ZNF517: variants seen among roughly 807,000 people sequenced by gnomAD.
ZNF517 encodes zinc finger protein 517.
ZNF517 carries 12 observed loss-of-function variants against 12.1 expected under a neutral mutation model. That is an observed-to-expected ratio of 0.99 (90% CI 0.63 to 1.61). The LOEUF (loss-of-function observed/expected upper bound fraction) is 1.61. ZNF517 is among the 40% of genes most tolerant of loss of function. ZNF517 has a pLI of 0.00. For synonymous variants in ZNF517, 388 were observed against 310.2 expected (o/e 1.25, Z -2.63); for missense variants, 781 against 693.2 (o/e 1.13, Z -1.42).
In ZNF517 at chr8:144,809,926, G is replaced by A. The variant is rs920535713; in HGVS notation, c.*1531G>A. 12 of 404,148 alleles carry A rather than the reference G, an allele frequency of 3.0e-5. No homozygotes were observed. Among genetic ancestry groups the A allele is most frequent in the African/African-American group, 2.4e-4 (12 of 49,592 alleles). The allele number at this position is 404,148 out of a possible 1,614,324, so 25.0% of individuals were successfully genotyped here. ...AAAGTAGCTGGGTGTGGTGCTGGGTGCCTGTAATCCCAGCTACTCGGGAGG... is the reference window on the plus strand; with the variant it reads ...AAAGTAGCTGGGTGTGGTGCTGGGTACCTGTAATCCCAGCTACTCGGGAGG... On this transcript the variant is annotated 3_prime_UTR_variant, in exon 5 of 5. Coordinates refer to ENST00000359971, the MANE Select transcript of ZNF517 (RefSeq NM_213605.3).
At chr8:144,803,849 A>G (rs779118051) in intron 3 of ZNF517, 82 bp downstream of exon 3, 17 of 1,540,112 alleles carry the variant, frequency 1.1e-5, no homozygotes, top group Non-Finnish European at 1.5e-5. Flanking sequence ...TTGCAGATTC[A>G]AGGTCTGACA....
In ZNF517 at chr8:144,804,142, C is replaced by G. The variant is rs1043778385; in HGVS notation, c.178C>G (p.Pro60Ala). The G allele has an allele frequency of 5.0e-6, 8 of 1,614,024 alleles. No homozygotes were observed. The African/African-American group carries it at 9.3e-5, about 19-fold the overall frequency. The change falls in exon 4 of 5, where the codon CCA (proline) becomes GCA (alanine). Residue 60 changes from proline to alanine, a missense_variant. By Grantham distance (27) the Pro-to-Ala change is conservative (BLOSUM62 -1). Coordinates refer to ENST00000359971, the MANE Select transcript of ZNF517 (RefSeq NM_213605.3). The part of the protein sequence containing the change: ...LASLGFLVAK[P>A]ALISLLEQGE... ...GAGCTTAGGCTTTCTTGTTGCCAAA[C>G]CAGCACTGATCTCCCTATTGGAGCA...
rs756654059 is a variant in ZNF517 at position 144,807,563 on chromosome 8, A to G, written c.647A>G (p.Gln216Arg). 1 of 1,600,398 alleles carries G rather than the reference A, an allele frequency of 6.2e-7. No homozygotes were observed. The highest frequency in any genetic ancestry group is 2.3e-5 in the East Asian group (1 of 43,890). ...QCTECGKAFK[Q>R]SSILLRHQLI... The stretch of plus-strand genomic sequence containing the variant: ...ACAGAGTGCGGGAAGGCCTTCAAGC[A>G]AAGCTCCATCCTGCTGCGGCACCAG... The change falls in exon 5 of 5, where the codon CAA becomes CGA. Residue 216 changes from glutamine to arginine, a missense_variant. Physicochemically the swap from Gln to Arg is conservative, Grantham distance 43. Coordinates refer to ENST00000359971, the MANE Select transcript of ZNF517 (RefSeq NM_213605.3).
intron 4 of ZNF517, among the ~76,000 whole-genome samples, chr8:144,804,529 T>A (rs189290402): frequency 1.3e-5 from 2 of 151,736 alleles, no homozygotes; most frequent in East Asian, 3.9e-4. Context: ...CCCTACAGGG[T>A]CTGTGGGTTT....
chr8:144,807,326 C>T lies in ZNF517; in HGVS notation c.410C>T (p.Pro137Leu), dbSNP rs759145641. 7 of 1,552,084 alleles carry T rather than the reference C, an allele frequency of 4.5e-6. No individual in the cohort carries two copies. The highest frequency in any genetic ancestry group is 4.4e-6 in the Non-Finnish European group (5 of 1,147,254). ...GGGGGGCACCCTGCACCACCCCACCCGCATGGCGGTCCTGAGGACGGGTCA... is the reference window on the plus strand; with the variant it reads ...GGGGGGCACCCTGCACCACCCCACCTGCATGGCGGTCCTGAGGACGGGTCA... ...PVGGHPAPPH[P>L]HGGPEDGSDK... The change falls in exon 5 of 5, where the codon CCG (proline) becomes CTG (leucine). Residue 137 changes from proline to leucine, a missense_variant. By Grantham distance (98) the Pro-to-Leu change is moderately conservative. Coordinates refer to ENST00000359971, the MANE Select transcript of ZNF517 (RefSeq NM_213605.3).
Position 144,803,511 on chromosome 8 carries a change from C to T in ZNF517, c.34-130C>T, listed in dbSNP as rs1022158638. 5 of 1,314,908 alleles carry T rather than the reference C, an allele frequency of 3.8e-6. No homozygotes were observed. The African/African-American group carries it at 4.4e-5, about 12-fold the overall frequency. 81.5% of individuals were successfully genotyped at this position (1,314,908 alleles called of 1,614,324 possible). A position where few individuals can be genotyped will look rare whatever the true frequency, so the allele number is the denominator to read the frequency against. On this transcript the variant is annotated intron_variant, in intron 2 of 4. Coordinates refer to ENST00000359971, the MANE Select transcript of ZNF517 (RefSeq NM_213605.3). ...CGGGGGGTGTTGGGCTGCCCTTTCT[C>T]TGCTGGGCCCTGTGGATGCAGCAGT...
chr8:144,800,625 G>A, intron 1 of ZNF517: 1 of 985,372 alleles, frequency 1.0e-6, no homozygotes, highest in Non-Finnish European at 1.2e-6. Flanking sequence ...GCCACAGACT[G>A]CCCTGGACAG....
At position 144,809,749 on chromosome 8, in the gene ZNF517, G is replaced by A. The variant is rs1374219995; in HGVS notation, c.*1354G>A. Reference sequence around the variant, plus strand: ...CCTCCATAAGTGTGTGGGCCAGTTCGCCTAATAAATCCCCTCTCCTGGCCG... The same window carrying A: ...CCTCCATAAGTGTGTGGGCCAGTTCACCTAATAAATCCCCTCTCCTGGCCG... On this transcript the variant is annotated 3_prime_UTR_variant, in exon 5 of 5. Coordinates refer to ENST00000359971, the MANE Select transcript of ZNF517 (RefSeq NM_213605.3). The A allele has an allele frequency of 5.7e-5, 9 of 158,168 alleles. No homozygotes were observed. Among genetic ancestry groups the A allele is most frequent in the African/African-American group, 1.7e-4 (7 of 41,706 alleles). 9.8% of individuals were successfully genotyped at this position (158,168 alleles called of 1,614,324 possible).
chr8:144,799,511 G>A (rs968772421), intron 1 of ZNF517, among the ~76,000 whole-genome samples: 3 of 152,248 alleles, frequency 2.0e-5, no homozygotes, highest in Admixed American at 6.5e-5. Context: ...GAGGTGAGGC[G>A]TTAGTGTAAC....
At position 144,808,274 on chromosome 8, in the gene ZNF517, G is replaced by A. The variant is rs771811505; in HGVS notation, c.1358G>A (p.Arg453Gln). The A allele has an allele frequency of 2.5e-6, 4 of 1,571,442 alleles. No individual in the cohort carries two copies. The highest frequency in any genetic ancestry group is 1.4e-5 in the African/African-American group (1 of 73,758). ...CTCCACAGCGGCGAGAGGCCATACC[G>A]GTGCCGCGCCTGCGGGAGGGCCTGC... is the stretch of plus-strand genomic sequence containing the variant. ...YRLHSGERPY[R>Q]CRACGRACSR... The change falls in exon 5 of 5, where the codon CGG (arginine) becomes CAG (glutamine). Residue 453 changes from arginine (R) to glutamine (Q), a missense_variant. Physicochemically the swap from Arg to Gln is conservative, Grantham distance 43. Transcript: ENST00000359971.
chr8:144,813,434 A>G (rs1217796403), downstream of ZNF517, among the ~76,000 whole-genome samples: 2 of 152,194 alleles, frequency 1.3e-5, no homozygotes, highest in Non-Finnish European at 2.9e-5. Context: ...TCTCATGTTC[A>G]TGGATTGGAA....
intron 1 of ZNF517, among the ~76,000 whole-genome samples, chr8:144,801,921 T>C (rs1826982238): frequency 6.6e-6 from 1 of 152,058 alleles, no homozygotes; most frequent in South Asian, 2.1e-4. Flanking sequence ...TAGTTCCAGC[T>C]ACTCGGGAGG....
chr8:144,801,972 G>A (rs533275624), intron 1 of ZNF517, among the ~76,000 whole-genome samples: 2 of 152,158 alleles, frequency 1.3e-5, no homozygotes, highest in South Asian at 4.1e-4. Context: ...AGTTGAGGCT[G>A]CAGTGAGCTG....
In ZNF517 at chr8:144,807,966, G is replaced by T. The variant is rs760321441; in HGVS notation, c.1050G>T (p.Gly350=). The T allele has an allele frequency of 6.6e-7, 1 of 1,507,952 alleles. No homozygotes were observed. The highest frequency in any genetic ancestry group is 8.9e-7 in the Non-Finnish European group (1 of 1,129,904). The allele number at this position is 1,507,952 out of a possible 1,614,324, so 93.4% of individuals were successfully genotyped here. ...AQEGAQDGGV[G]QGALLGAAQR... ...AGGGTGCCCAGGACGGCGGCGTGGG[G>T]CAGGGCGCCCTGCTCGGAGCTGCGC... The change falls in exon 5 of 5, where the codon GGG becomes GGT. Residue 350 remains glycine, a synonymous_variant. Transcript: ENST00000359971.
In ZNF517 at chr8:144,803,110, A is replaced by G. The variant is rs528624376; in HGVS notation, c.33+163A>G. ...TCCTCGCTCTATGGCCAGGCCTCAC[A>G]CATGGCTCTGCCAAATCCTTCCAGC... On this transcript the variant is annotated intron_variant, in intron 2 of 4. Transcript: ENST00000359971. 7.1e-5 allele frequency: 64 copies of G among 896,552 alleles called. No homozygotes were observed. In the South Asian group the frequency reaches 1.1e-3, roughly 15 times the overall value. 55.5% of individuals were successfully genotyped at this position (896,552 alleles called of 1,614,324 possible).
At position 144,807,850 on chromosome 8, in the gene ZNF517, A is replaced by C; in HGVS notation, c.934A>C (p.Ser312Arg). Residue 312 changes from serine (S) to arginine (R), a missense_variant, in exon 5 of 5, where the codon AGC becomes CGC. By Grantham distance (110) the Ser-to-Arg change is moderately radical (BLOSUM62 -1). Coordinates refer to ENST00000359971, the MANE Select transcript of ZNF517 (RefSeq NM_213605.3). ...FTLNEHGRIH[S>R]GERPYRCLRC... ...CCTCAACGAGCACGGCCGCATCCAC[A>C]GCGGGGAGCGGCCCTACCGGTGCCT... 2 of 1,592,224 alleles carry C rather than the reference A, an allele frequency of 1.3e-6. No homozygotes were observed. Among genetic ancestry groups the C allele is most frequent in the East Asian group, 4.5e-5 (2 of 44,632 alleles).
At position 144,808,181 on chromosome 8, in the gene ZNF517, A is replaced by G; in HGVS notation, c.1265A>G (p.Lys422Arg). 2 of 1,610,022 alleles carry G rather than the reference A, an allele frequency of 1.2e-6. No homozygotes were observed. The highest frequency in any genetic ancestry group is 1.3e-5 in the African/African-American group (1 of 74,870). ...CACCAGAAGATCCACACCAAGGAGA[A>G]GCCCTTCGCGTGCACCGAGTGCGGC... ...TLHQKIHTKEKPFACTECGKA... is the reference protein window; with the variant it reads ...TLHQKIHTKERPFACTECGKA... Residue 422 changes from lysine (K) to arginine (R), a missense_variant, in exon 5 of 5, where the codon AAG becomes AGG. By Grantham distance (26) the Lys-to-Arg change is conservative. Coordinates refer to ENST00000359971, the MANE Select transcript of ZNF517 (RefSeq NM_213605.3).
At chr8:144,812,597 G>C (rs1827590668), downstream of ZNF517, among the ~76,000 whole-genome samples, 1 of 152,252 alleles carries the variant, frequency 6.6e-6, no homozygotes, top group African/African-American at 2.4e-5. Context: ...GGTCACTTCA[G>C]TCTGCTGGGG....
At chr8:144,811,368 G>A (rs1285166768), downstream of ZNF517, among the ~76,000 whole-genome samples, 3 of 152,228 alleles carry the variant, frequency 2.0e-5, no homozygotes, top group Non-Finnish European at 2.9e-5. Context: ...ACTGTGCAGC[G>A]CCTGAGACAG....
Sources: allele counts gnomAD v4.1 joint callset (sites outside exome capture counted in the v4.1 genomes callset), GRCh38; gene constraint gnomAD v4.1.1; transcripts MANE v1.5; gene names NCBI Gene and HGNC (gene_info 2026-07-23, HGNC 2026-07-21).